MED1: variants seen among roughly 807,000 people sequenced by gnomAD.
MED1 encodes the protein mediator complex subunit 1, also known as mediator of RNA polymerase II transcription subunit 1.
A neutral mutation model predicts 121.3 loss-of-function variants in MED1; 17 were observed. The observed-to-expected ratio is 0.14, with a 90% confidence interval of 0.10 to 0.21. The LOEUF (loss-of-function observed/expected upper bound fraction) is 0.21, where lower values mean the gene tolerates loss of function less well. Among genes scored for constraint, MED1 ranks in the 10% least tolerant of loss-of-function variants. MED1 has a pLI of 1.00. For missense variants in MED1, 1,558 were observed against 1,919.4 expected (o/e 0.81, Z 3.52); for synonymous variants, 661 against 694.4 (o/e 0.95, Z 0.76).
intron 16 of MED1, among the ~76,000 whole-genome samples, chr17:39,411,560 C>G (rs115232100): frequency 2.6e-4 from 40 of 152,002 alleles, no homozygotes; most frequent in African/African-American, 9.4e-4. Flanking sequence ...AGGCAGAGAT[C>G]GCAGCGAGCC....
At chr17:39,431,020 A>G in intron 9 of MED1, 95 bp downstream of exon 9, 2 of 1,232,960 alleles carry the variant, frequency 1.6e-6, no homozygotes, top group Non-Finnish European at 2.3e-6. Flanking sequence ...CTCTGTCTCA[A>G]AAAAATAAAC....
rs151253929 is a variant in MED1 at position 39,413,221 on chromosome 17, C to T, written c.1499+1805G>A. Reference sequence around the variant, plus strand: ...TCCTGAGTAGCTGGGATTATAGGCACCTGCCACCACACCTGGCTAATTTTT... The same window carrying T: ...TCCTGAGTAGCTGGGATTATAGGCATCTGCCACCACACCTGGCTAATTTTT... On this transcript the variant is annotated intron_variant, in intron 16 of 16. Coordinates refer to ENST00000300651, the MANE Select transcript of MED1 (RefSeq NM_004774.4). 3.5e-3 allele frequency among the ~76,000 whole-genome samples: 529 copies of T among 152,010 alleles called. 5 individuals carry two copies. The highest frequency in any genetic ancestry group is 1.9e-3 in the Non-Finnish European group (129 of 67,984).
chr17:39,427,908 T>A, intron 9 of MED1, 118 bp from the exon 10 acceptor site: 1 of 639,474 alleles, frequency 1.6e-6, no homozygotes, highest in Non-Finnish European at 2.6e-6. Flanking sequence ...ATATGAAGAG[T>A]CATGCTCCAA....
Position 39,409,310 on chromosome 17 carries a change from T to G in MED1, c.2911A>C (p.Arg971=). 1.2e-6 allele frequency: 2 copies of G among 1,613,954 alleles called. No individual in the cohort carries two copies. Among genetic ancestry groups the G allele is most frequent in the South Asian group, 1.1e-5 (1 of 91,056 alleles). The change falls in exon 17 of 17, where the codon AGG becomes CGG. Residue 971 remains arginine, a synonymous_variant. Coordinates refer to ENST00000300651, the MANE Select transcript of MED1 (RefSeq NM_004774.4). ...GDLGKEKTQK[R]VKEGNGTSNS... is the part of the protein sequence containing the mutation. ...CTGGTGCCATTGCCTTCCTTTACCC[T>G]CTTTTGAGTCTTTTCTTTCCCTAAG... is the stretch of plus-strand genomic sequence containing the variant.
At chr17:39,445,791 G>A (rs2048720403) in intron 2 of MED1, among the ~76,000 whole-genome samples, 2 of 151,790 alleles carry the variant, frequency 1.3e-5, no homozygotes, top group Admixed American at 1.3e-4. Context: ...AGCACTTTGG[G>A]AGGCTGAGGC....
Position 39,404,990 on chromosome 17 carries a change from G to T in MED1, c.*2485C>A. On this transcript the variant is annotated 3_prime_UTR_variant, in exon 17 of 17. Coordinates refer to ENST00000300651, the MANE Select transcript of MED1 (RefSeq NM_004774.4). ...TAATGTTAAGTCAAAAGACAGAAGA[G>T]GAATCAGGTCAAACTGAGAATACAT... 2.4e-6 allele frequency: 1 copy of T among 420,796 alleles called. No individual in the cohort carries two copies. Among genetic ancestry groups the T allele is most frequent in the Non-Finnish European group, 4.2e-6 (1 of 238,020 alleles). 26.1% of individuals were successfully genotyped at this position (420,796 alleles called of 1,614,324 possible). A position where few individuals can be genotyped will look rare whatever the true frequency, so the allele number is the denominator to read the frequency against.
At chr17:39,435,327 G>T (rs1345988035) in intron 6 of MED1, among the ~76,000 whole-genome samples, 1 of 151,018 alleles carries the variant, frequency 6.6e-6, no homozygotes, top group Non-Finnish European at 1.5e-5. Context: ...ATATTGCTAC[G>T]ACCAGATCTA....
chr17:39,435,460 C>A (rs2048609512), intron 6 of MED1, among the ~76,000 whole-genome samples: 1 of 151,694 alleles, frequency 6.6e-6, no homozygotes, highest in Non-Finnish European at 1.5e-5. Flanking sequence ...CTCCACAATT[C>A]TAACTCTTGA....
chr17:39,440,333 T>A lies in MED1; in HGVS notation c.399+53A>T. On this transcript the variant is annotated intron_variant, in intron 5 of 16. Transcript: ENST00000300651. The surrounding 1 kb of genome is among the most constrained non-coding windows in gnomAD (Gnocchi z 4.1). ...AAACCCCAACAATTAATTTTAAAAT[T>A]AATGTCCCTAAGTAAACCCCACAGA... 6.7e-7 allele frequency: 1 copy of A among 1,494,592 alleles called. No individual in the cohort carries two copies. The highest frequency in any genetic ancestry group is 8.9e-7 in the Non-Finnish European group (1 of 1,125,284). 92.6% of individuals were successfully genotyped at this position (1,494,592 alleles called of 1,614,324 possible).
At chr17:39,410,794 A>G (rs2048348646) in intron 16 of MED1, 73 bp from the exon 17 acceptor site, 1 of 1,515,974 alleles carries the variant, frequency 6.6e-7, no homozygotes, top group Non-Finnish European at 8.8e-7. Flanking sequence ...TAGATATAAC[A>G]TCAGAGTTTT....
Position 39,408,771 on chromosome 17 carries a change from C to T in MED1, c.3450G>A (p.Gly1150=). 6.2e-7 allele frequency: 1 copy of T among 1,614,104 alleles called. No individual in the cohort carries two copies. The highest frequency in any genetic ancestry group is 2.2e-5 in the East Asian group (1 of 44,882). The change falls in exon 17 of 17, where the codon GGG becomes GGA. Residue 1150 remains glycine (G), a synonymous_variant. Coordinates refer to ENST00000300651, the MANE Select transcript of MED1 (RefSeq NM_004774.4). This position sits in a 1 kb window ranked among gnomAD's most constrained non-coding sequence, Gnocchi z 4.7. ...TTATGGGAGAGGAGCCTGGCTTCCCCCCAGACTGGGATGAATTTTTGGACT... is the reference window on the plus strand; with the variant it reads ...TTATGGGAGAGGAGCCTGGCTTCCCTCCAGACTGGGATGAATTTTTGGACT... ...SSQSKNSSQS[G]GKPGSSPITK...
At chr17:39,414,493 G>C (rs1018451888) in intron 16 of MED1, among the ~76,000 whole-genome samples, 1 of 151,508 alleles carries the variant, frequency 6.6e-6, no homozygotes, top group African/African-American at 2.4e-5. Context: ...CCGCCACCAT[G>C]CCGGGCTAAT....
In MED1 at chr17:39,423,975, C is replaced by T. The variant is rs1051008066; in HGVS notation, c.852-154G>A. ...TTGGCTCACTGCAACCTCTGCCTCC[C>T]GGGTTCAAGGGATTCTCCTATCTCA... On this transcript the variant is annotated intron_variant, in intron 11 of 16. Transcript: ENST00000300651. Among the ~76,000 whole-genome samples, 8 of 152,018 alleles carry T rather than the reference C, an allele frequency of 5.3e-5. 1 individual carries two copies. The highest frequency in any genetic ancestry group is 4.2e-4 in the South Asian group (2 of 4,818).
chr17:39,433,661 G>C (rs1005189124), intron 7 of MED1, among the ~76,000 whole-genome samples: 1 of 151,628 alleles, frequency 6.6e-6, no homozygotes, highest in Non-Finnish European at 1.5e-5. Context: ...TGAAGTGATC[G>C]TCCCACCTTA....
chr17:39,450,033 C>G (rs1372653423), intron 1 of MED1, among the ~76,000 whole-genome samples: 1 of 148,306 alleles, frequency 6.7e-6, no homozygotes, highest in Non-Finnish European at 1.5e-5. Context: ...AGGCTGGTCT[C>G]GATCTCCCAA....
Position 39,440,022 on chromosome 17 carries a change from GAAA to G in MED1, c.399+361_399+363del, listed in dbSNP as rs1163564337. 2.8e-4 allele frequency among the ~76,000 whole-genome samples: 20 copies of G among 70,964 alleles called. No individual in the cohort carries two copies. Among genetic ancestry groups the G allele is most frequent in the Non-Finnish European group, 5.8e-4 (14 of 24,274 alleles). The allele number at this position is 70,964 out of a possible 152,430, so 46.6% of individuals were successfully genotyped here. A position where few individuals can be genotyped will look rare whatever the true frequency, so the allele number is the denominator to read the frequency against. On this transcript the variant is annotated intron_variant, in intron 5 of 16. Coordinates refer to ENST00000300651, the MANE Select transcript of MED1 (RefSeq NM_004774.4). This position sits in a 1 kb window ranked among gnomAD's most constrained non-coding sequence, Gnocchi z 4.1. ...GGAAGGAAGGAAGGAAGGAAGGAAA[GAAA>G]GAAAGAAAGAGAGAAAGAGAAAGAA...
At chr17:39,422,978 C>A (rs1567644785) in intron 13 of MED1, among the ~76,000 whole-genome samples, 1 of 149,040 alleles carries the variant, frequency 6.7e-6, no homozygotes, top group Non-Finnish European at 1.5e-5. Flanking sequence ...CCATTCTCCT[C>A]CCTCAGCCTC....
intron 16 of MED1, among the ~76,000 whole-genome samples, chr17:39,411,523 T>C (rs1597852558): frequency 6.6e-6 from 1 of 151,346 alleles, no homozygotes; most frequent in East Asian, 2.0e-4. Context: ...TCAGGAAGGG[T>C]AGACAGGAGA....
Position 39,408,073 on chromosome 17 carries a change from T to A in MED1, c.4148A>T (p.Asn1383Ile), listed in dbSNP as rs1209113266. 50 of 1,614,030 alleles carry A rather than the reference T, an allele frequency of 3.1e-5. No individual in the cohort carries two copies. Among genetic ancestry groups the A allele is most frequent in the Non-Finnish European group, 4.2e-5 (49 of 1,180,032 alleles). Reference protein sequence around the residue: ...DSSKKTSESKNVGSTGVAKII... With the variant: ...DSSKKTSESKIVGSTGVAKII... ...TTTTGCCACACCTGTGCTCCCCACA[T>A]TTTTTGACTCTGAGGTCTTCTTAGA... is the stretch of plus-strand genomic sequence containing the variant. The change falls in exon 17 of 17, where the codon AAT (asparagine) becomes ATT (isoleucine). Residue 1383 changes from asparagine (N) to isoleucine (I), a missense_variant. Physicochemically the swap from Asn to Ile is moderately radical, Grantham distance 149 (BLOSUM62 -3). Around this residue, in one of 5 missense-constraint regions of MED1, gnomAD observed 264 missense variants for 326.1 expected, o/e 0.81. Transcript: ENST00000300651. This position sits in a 1 kb window ranked among gnomAD's most constrained non-coding sequence, Gnocchi z 4.7.
Sources: allele counts gnomAD v4.1 joint callset (sites outside exome capture counted in the v4.1 genomes callset), GRCh38; gene constraint gnomAD v4.1.1; regional missense constraint gnomAD v4.1.1; non-coding constraint Gnocchi (gnomAD v3.1); transcripts MANE v1.5; gene names NCBI Gene and HGNC (gene_info 2026-07-23, HGNC 2026-07-21).